ZNF316: variants seen among roughly 807,000 people sequenced by gnomAD.
ZNF316 encodes the protein zinc finger protein 316.
In ZNF316, 23 loss-of-function variants were observed where a neutral mutation model predicts 75.6. That is an observed-to-expected ratio of 0.30 (90% confidence interval 0.22 to 0.43). The LOEUF (loss-of-function observed/expected upper bound fraction) is 0.43. Among genes scored for constraint, ZNF316 ranks in the 20% least tolerant of loss-of-function variants. The probability of loss-of-function intolerance (pLI) is 1.00; values close to 1 mark genes in which losing one functional copy is unlikely to be tolerated. For synonymous variants in ZNF316, 827 were observed against 666.2 expected (o/e 1.24, Z -3.72); for missense variants, 1,266 against 1,409.4 (o/e 0.90, Z 1.63).
chr7:6,651,890 A>G (rs934446503), intron 8 of ZNF316, among the ~76,000 whole-genome samples: 1 of 152,240 alleles, frequency 6.6e-6, no homozygotes, highest in Admixed American at 6.5e-5. Flanking sequence ...AAACTGCCCC[A>G]GCGTCTCCAC....
In ZNF316 at chr7:6,642,433, C is replaced by G. The variant is rs536939901; in HGVS notation, c.24C>G (p.Pro8=). The G allele has an allele frequency of 1.1e-4, 130 of 1,232,302 alleles. No homozygotes were observed. The highest frequency in any genetic ancestry group is 7.1e-6 in the Non-Finnish European group (7 of 988,070). 76.3% of individuals were successfully genotyped at this position (1,232,302 alleles called of 1,614,324 possible). ...GGATGGCGGCGCTCCACACGACTCC[C>G]GACTCCCCAGCTGCCCAGCTGGAGC... MAALHTT[P]DSPAAQLERA... is the part of the protein sequence containing the mutation. Residue 8 remains proline, a synonymous_variant, in exon 5 of 9, where the codon CCC becomes CCG. Transcript: ENST00000382252. This position sits in a 1 kb window ranked among gnomAD's most constrained non-coding sequence, Gnocchi z 8.1.
intron 6 of ZNF316, 97 bp from the exon 7 acceptor site, chr7:6,643,725 C>T (rs1381339745): frequency 3.6e-5 from 40 of 1,125,220 alleles, no homozygotes; most frequent in Non-Finnish European, 4.4e-5. Flanking sequence ...ATCTGTGTCC[C>T]CTGACACCCA....
intron 8 of ZNF316, among the ~76,000 whole-genome samples, chr7:6,649,192 C>T (rs1365329085): frequency 6.6e-6 from 1 of 152,180 alleles, no homozygotes; most frequent in Non-Finnish European, 1.5e-5. Flanking sequence ...TATCACTGAG[C>T]CCTTGTGGTC....
At position 6,658,191 on chromosome 7, in the gene ZNF316, C is replaced by T. The variant is rs1285433303; in HGVS notation, c.*3580C>T. Among the ~76,000 whole-genome samples the T allele has an allele frequency of 3.9e-5, 6 of 152,146 alleles. No individual in the cohort carries two copies. In the East Asian group the frequency reaches 5.8e-4, roughly 15 times the overall value. On this transcript the variant is annotated 3_prime_UTR_variant, in exon 9 of 9. Transcript: ENST00000382252. ...TCTCGTCCAACATTTCCTTCTATCT[C>T]CCTTTTTTCTTTCTCTAATTGGCTA... is the stretch of plus-strand genomic sequence containing the variant.
rs1165889810 is a variant in ZNF316 at position 6,654,440 on chromosome 7, G to GGCCCCA, written c.2850_2855dup (p.Ala953_Pro954dup). 4.1e-6 allele frequency: 5 copies of GGCCCCA among 1,204,872 alleles called. No individual in the cohort carries two copies. The South Asian group carries it at 2.1e-4, about 50-fold the overall frequency. The allele number at this position is 1,204,872 out of a possible 1,614,324, so 74.6% of individuals were successfully genotyped here. A position where few individuals can be genotyped will look rare whatever the true frequency, so the allele number is the denominator to read the frequency against. Reference sequence around the variant, plus strand: ...CCACCGCAGCGCCGGGCTCGGGTTCGGCCCCAGCCCCCGCGCCCAAGCCCG... The same window carrying GGCCCCA: ...CCACCGCAGCGCCGGGCTCGGGTTCGGCCCCAGCCCCAGCCCCCGCGCCCAAGCCCG... On this transcript the variant is annotated inframe_insertion, in exon 9 of 9. Transcript: ENST00000382252.
chr7:6,654,444 C>T lies in ZNF316; in HGVS notation c.2848C>T (p.Pro950Ser), dbSNP rs1779578902. The T allele has an allele frequency of 5.8e-6, 7 of 1,202,874 alleles. No individual in the cohort carries two copies. The highest frequency in any genetic ancestry group is 4.1e-6 in the Non-Finnish European group (4 of 969,622). 74.5% of individuals were successfully genotyped at this position (1,202,874 alleles called of 1,614,324 possible). A position where few individuals can be genotyped will look rare whatever the true frequency, so the allele number is the denominator to read the frequency against. Reference protein sequence around the residue: ...ATAAPGSGSAPAPAPKPEAAA... With the variant: ...ATAAPGSGSASAPAPKPEAAA... ...CGCAGCGCCGGGCTCGGGTTCGGCC[C>T]CAGCCCCCGCGCCCAAGCCCGAGGC... The change falls in exon 9 of 9, where the codon CCA (proline) becomes TCA (serine). Residue 950 changes from proline (P) to serine (S), a missense_variant. Coordinates refer to ENST00000382252, the MANE Select transcript of ZNF316 (RefSeq NM_001278559.2).
chr7:6,653,096 C>G lies in ZNF316; in HGVS notation c.1500C>G (p.Phe500Leu). 1 of 1,187,590 alleles carries G rather than the reference C, an allele frequency of 8.4e-7. No homozygotes were observed. Among genetic ancestry groups the G allele is most frequent in the Non-Finnish European group, 1.0e-6 (1 of 960,480 alleles). 73.6% of individuals were successfully genotyped at this position (1,187,590 alleles called of 1,614,324 possible). ...AGGCCTTCCGCCTGCGCGCCGACTT[C>G]CAGCGCCACCGACGCGGCGGGGGCT... ...CGQAFRLRADFQRHRRGGGCA... is the reference protein window; with the variant it reads ...CGQAFRLRADLQRHRRGGGCA... Residue 500 changes from phenylalanine to leucine, a missense_variant, in exon 9 of 9, where the codon TTC (phenylalanine) becomes TTG (leucine). By Grantham distance (22) the Phe-to-Leu change is conservative (BLOSUM62 0). Around this residue, in one of 3 missense-constraint regions of ZNF316, gnomAD observed 961 missense variants for 990.9 expected, o/e 0.97. Transcript: ENST00000382252.
chr7:6,652,074 T>A (rs1488378560), intron 8 of ZNF316, among the ~76,000 whole-genome samples: 1 of 152,130 alleles, frequency 6.6e-6, no homozygotes. Flanking sequence ...GTGCTGCGTG[T>A]CCCCAGGTTC....
chr7:6,650,772 C>T (rs985402875), intron 8 of ZNF316, among the ~76,000 whole-genome samples: 6 of 152,164 alleles, frequency 3.9e-5, no homozygotes, highest in Non-Finnish European at 7.3e-5. Context: ...CTGAGACTGT[C>T]GGGCAGACAC....
At position 6,643,802 on chromosome 7, in the gene ZNF316, C is replaced by A; in HGVS notation, c.466-20C>A. The stretch of plus-strand genomic sequence containing the variant: ...GTAAAGGGCTCCCTCAGCCTCTCAC[C>A]TGAGGCTCTGTTTCCCCAGGAGCTG... On this transcript the variant is annotated intron_variant, in intron 6 of 8. Transcript: ENST00000382252. The A allele has an allele frequency of 8.1e-7, 1 of 1,234,282 alleles. No homozygotes were observed. The highest frequency in any genetic ancestry group is 1.0e-6 in the Non-Finnish European group (1 of 989,258). The allele number at this position is 1,234,282 out of a possible 1,614,324, so 76.5% of individuals were successfully genotyped here.
intron 8 of ZNF316, among the ~76,000 whole-genome samples, chr7:6,647,566 G>A (rs182337736): frequency 7.2e-5 from 11 of 152,346 alleles, no homozygotes; most frequent in Admixed American, 3.3e-4. Flanking sequence ...GGCTTCACTC[G>A]GAACTGACTT....
rs922206332 is a variant in ZNF316, at chr7:6,652,807, C to T, written c.1211C>T (p.Pro404Leu). Residue 404 changes from proline to leucine, a missense_variant, in exon 9 of 9, where the codon CCG becomes CTG. Coordinates refer to ENST00000382252, the MANE Select transcript of ZNF316 (RefSeq NM_001278559.2). Reference sequence around the variant, plus strand: ...ACCGGCGAGAAGCCCTTCCCGTGCCCGGACTGCGGCAAGCGCTTCGTCTAC... The same window carrying T: ...ACCGGCGAGAAGCCCTTCCCGTGCCTGGACTGCGGCAAGCGCTTCGTCTAC... The part of the protein sequence containing the change: ...THTGEKPFPC[P>L]DCGKRFVYKS... The T allele has an allele frequency of 1.6e-5, 20 of 1,268,766 alleles. No individual in the cohort carries two copies. In the African/African-American group the frequency reaches 2.8e-4, roughly 18 times the overall value. The allele number at this position is 1,268,766 out of a possible 1,614,324, so 78.6% of individuals were successfully genotyped here. A position where few individuals can be genotyped will look rare whatever the true frequency, so the allele number is the denominator to read the frequency against.
At chr7:6,650,176 C>T (rs1779482885) in intron 8 of ZNF316, among the ~76,000 whole-genome samples, 1 of 152,218 alleles carries the variant, frequency 6.6e-6, no homozygotes, top group Non-Finnish European at 1.5e-5. Context: ...TCTCTGCCAG[C>T]CTCCCTATCC....
Position 6,652,580 on chromosome 7 carries a change from G to C in ZNF316, c.984G>C (p.Ser328=). 1 of 1,230,768 alleles carries C rather than the reference G, an allele frequency of 8.1e-7. No homozygotes were observed. The highest frequency in any genetic ancestry group is 1.0e-6 in the Non-Finnish European group (1 of 987,252). The allele number at this position is 1,230,768 out of a possible 1,614,324, so 76.2% of individuals were successfully genotyped here. ...PGREPGANLL[S]PWAFPAAVAP... is the part of the protein sequence containing the mutation. ...GGGAGCCGGGTGCGAACCTGCTGTC[G>C]CCCTGGGCGTTCCCCGCCGCAGTGG... The change falls in exon 9 of 9, where the codon TCG becomes TCC. Residue 328 remains serine (S), a synonymous_variant. Coordinates refer to ENST00000382252, the MANE Select transcript of ZNF316 (RefSeq NM_001278559.2).
rs1779233799 is a variant in ZNF316 at position 6,637,416 on chromosome 7, C to T, written c.-462C>T. On this transcript the variant is annotated 5_prime_UTR_variant, in exon 1 of 9. Coordinates refer to ENST00000382252, the MANE Select transcript of ZNF316 (RefSeq NM_001278559.2). This position sits in a 1 kb window ranked among gnomAD's most constrained non-coding sequence, Gnocchi z 6.2. ...GCCCGCAGGCCCCGGCCCCGGTGTC[C>T]GGCCCGTGGCTCGGCCAGCCCGGCC... The T allele has an allele frequency of 6.8e-6, 1 of 147,034 alleles. No individual in the cohort carries two copies. Among genetic ancestry groups the T allele is most frequent in the Admixed American group, 6.8e-5 (1 of 14,812 alleles). The allele number at this position is 147,034 out of a possible 1,614,324, so 9.1% of individuals were successfully genotyped here.
chr7:6,641,628 A>G (rs1779313673), intron 3 of ZNF316, among the ~76,000 whole-genome samples, 197 bp from the exon 4 acceptor site: 1 of 152,258 alleles, frequency 6.6e-6, no homozygotes, highest in South Asian at 2.1e-4. Context: ...AGGACGCTGT[A>G]GCCTCTAGGG....
At chr7:6,649,832 C>T (rs1251004210) in intron 8 of ZNF316, among the ~76,000 whole-genome samples, 1 of 152,162 alleles carries the variant, frequency 6.6e-6, no homozygotes, top group East Asian at 1.9e-4. Flanking sequence ...GGGGGGTGCC[C>T]TCTCTACAGA....
Position 6,653,773 on chromosome 7 carries a change from A to G in ZNF316, c.2177A>G (p.Lys726Arg). 2 of 1,087,044 alleles carry G rather than the reference A, an allele frequency of 1.8e-6. No homozygotes were observed. The highest frequency in any genetic ancestry group is 2.2e-6 in the Non-Finnish European group (2 of 893,574). 67.3% of individuals were successfully genotyped at this position (1,087,044 alleles called of 1,614,324 possible). ...ERPHRCADCGKSFVYGSHLAR... is the reference protein window; with the variant it reads ...ERPHRCADCGRSFVYGSHLAR... ...CCGCATCGCTGCGCCGACTGCGGCA[A>G]GAGCTTCGTGTACGGCTCGCACCTG... The change falls in exon 9 of 9, where the codon AAG becomes AGG. Residue 726 changes from lysine to arginine, a missense_variant. By Grantham distance (26) the Lys-to-Arg change is conservative. This residue lies in a region of ZNF316 where 961 missense variants were observed against 990.9 expected (regional missense o/e 0.97). Transcript: ENST00000382252.
intron 3 of ZNF316, among the ~76,000 whole-genome samples, chr7:6,641,486 G>A (rs985673436): frequency 6.6e-6 from 1 of 152,204 alleles, no homozygotes; most frequent in Non-Finnish European, 1.5e-5. Context: ...CAGTGGGGAG[G>A]GGCGAGGGGT....
Sources: allele counts gnomAD v4.1 joint callset (sites outside exome capture counted in the v4.1 genomes callset), GRCh38; gene constraint gnomAD v4.1.1; regional missense constraint gnomAD v4.1.1; non-coding constraint Gnocchi (gnomAD v3.1); transcripts MANE v1.5; gene names NCBI Gene and HGNC (gene_info 2026-07-23, HGNC 2026-07-21).